CREB5: variants seen among roughly 807,000 people sequenced by gnomAD.
CREB5 encodes cAMP responsive element binding protein 5.
CREB5 carries 19 observed loss-of-function variants against 57.1 expected under a neutral mutation model. The ratio of observed to expected loss-of-function variants is 0.33; its 90% CI spans 0.23 to 0.49. The LOEUF (loss-of-function observed/expected upper bound fraction) is 0.49. Among genes scored for constraint, CREB5 ranks in the 20% least tolerant of loss-of-function variants. CREB5 has a pLI of 0.99. For missense variants in CREB5, 579 were observed against 671.6 expected, an observed-to-expected ratio of 0.86 and a Z score of 1.52; for synonymous variants, 238 against 238.3, an observed-to-expected ratio of 1.00 and a Z score of 0.01.
intron 5 of CREB5, among the ~76,000 whole-genome samples, chr7:28,611,661 G>A (rs901516899): frequency 8.2e-5 from 12 of 146,950 alleles, no homozygotes; most frequent in African/African-American, 3.1e-4. Flanking sequence ...GTGCGACAGA[G>A]ACTCTGTCTC....
intron 1 of CREB5, among the ~76,000 whole-genome samples, chr7:28,442,665 T>A (rs531648761): frequency 3.3e-5 from 5 of 152,310 alleles, no homozygotes; most frequent in East Asian, 1.9e-4. Flanking sequence ...TGGGGTGAGA[T>A]GATATCTCGT....
chr7:28,819,122 A>G lies in CREB5; in HGVS notation c.1370A>G (p.Glu457Gly), dbSNP rs368377844. ...TCTTTTTTTTTCTCCCTAGGTCCAG[A>G]GAGTAGCCCTCCTGCTAGTCCTGTC... ...QKESQGYLSP[E>G]SSPPASPVPA... Residue 457 changes from glutamate to glycine, a missense_variant, in exon 11 of 11, where the codon GAG becomes GGG. Transcript: ENST00000357727. 6 of 1,612,760 alleles carry G rather than the reference A, an allele frequency of 3.7e-6. No homozygotes were observed. Among genetic ancestry groups the G allele is most frequent in the African/African-American group, 1.3e-5 (1 of 74,740 alleles).
intron 1 of CREB5, among the ~76,000 whole-genome samples, chr7:28,486,670 T>TTAAATATATATA (rs1554331892): frequency 0.023 from 2,047 of 89,124 alleles, 162 homozygotes; most frequent in African/African-American, 0.079. Flanking sequence ...TCCTATGATT[T>TTAAATATATATA]TATATATATA....
intron 5 of CREB5, among the ~76,000 whole-genome samples, chr7:28,625,860 A>G (rs1382784399): frequency 6.6e-6 from 1 of 152,202 alleles, no homozygotes; most frequent in Non-Finnish European, 1.5e-5. Flanking sequence ...AGGATCATCT[A>G]TTTCAATAAG....
chr7:28,547,216 T>C (rs1389193885), intron 4 of CREB5, among the ~76,000 whole-genome samples: 1 of 152,216 alleles, frequency 6.6e-6, no homozygotes, highest in East Asian at 1.9e-4. Context: ...TTTCCCTGAG[T>C]TCATCTAGGT....
At chr7:28,605,434 G>A (rs1044751022) in intron 5 of CREB5, among the ~76,000 whole-genome samples, 2 of 152,164 alleles carry the variant, frequency 1.3e-5, no homozygotes, top group African/African-American at 4.8e-5. Flanking sequence ...TCAAAGACAT[G>A]ACACTTCAGG....
intron 5 of CREB5, among the ~76,000 whole-genome samples, chr7:28,643,768 A>G (rs1365022459): frequency 8.7e-5 from 1 of 11,430 alleles, no homozygotes; most frequent in Non-Finnish European, 1.4e-4. Context: ...GGGCGGAAGA[A>G]AAAAAAAAAA....
At chr7:28,547,651 C>T (rs1794470121) in intron 4 of CREB5, among the ~76,000 whole-genome samples, 1 of 152,214 alleles carries the variant, frequency 6.6e-6, no homozygotes, top group South Asian at 2.1e-4. Context: ...GGCCAAACAA[C>T]TGGTCACCAT....
chr7:28,548,468 T>C (rs1163178376), intron 4 of CREB5, among the ~76,000 whole-genome samples: 1 of 152,190 alleles, frequency 6.6e-6, no homozygotes, highest in African/African-American at 2.4e-5. Flanking sequence ...ACATTCATGG[T>C]ACCACCCTAA....
intron 5 of CREB5, among the ~76,000 whole-genome samples, chr7:28,636,414 C>G (rs1030860572): frequency 6.6e-6 from 1 of 152,160 alleles, no homozygotes; most frequent in East Asian, 1.9e-4. Flanking sequence ...TATCATCTTC[C>G]TCCTTCTCCA....
chr7:28,787,288 G>A (rs1807386207), intron 7 of CREB5, among the ~76,000 whole-genome samples: 1 of 152,192 alleles, frequency 6.6e-6, no homozygotes, highest in South Asian at 2.1e-4. Context: ...TAGCACATGG[G>A]CTGTTAGCAC....
intron 5 of CREB5, among the ~76,000 whole-genome samples, chr7:28,592,308 C>T (rs1796548848): frequency 6.6e-6 from 1 of 152,178 alleles, no homozygotes; most frequent in Non-Finnish European, 1.5e-5. Flanking sequence ...AAGCTGATTG[C>T]AACTGTGGCC....
rs911697695 is a variant in CREB5 at position 28,394,217 on chromosome 7, A to G, written c.-25+94776A>G. ...TTAAGAGAAGAGAGAAAATGGAATC[A>G]TATAAAATATTCCATTAAATACAGA... On this transcript the variant is annotated intron_variant, in intron 1 of 9. Transcript: ENST00000396299. Among the ~76,000 whole-genome samples, 3 of 152,024 alleles carry G rather than the reference A, an allele frequency of 2.0e-5. No individual in the cohort carries two copies. The East Asian group carries it at 5.8e-4, about 29-fold the overall frequency.
rs940042984 is a variant in CREB5 at position 28,589,147 on chromosome 7, C to T, written c.464+18610C>T. ...TGGCTCTTTGCTATACTTGCTTTAT[C>T]ATATAGCTGTACATCTATCCATCCA... On this transcript the variant is annotated intron_variant, in intron 5 of 10. Coordinates refer to ENST00000357727, the MANE Select transcript of CREB5 (RefSeq NM_182898.4). 2.0e-5 allele frequency among the ~76,000 whole-genome samples: 3 copies of T among 152,196 alleles called. No homozygotes were observed. The East Asian group carries it at 5.8e-4, about 29-fold the overall frequency.
At chr7:28,569,162 T>C (rs1251456485) in intron 4 of CREB5, among the ~76,000 whole-genome samples, 3 of 151,792 alleles carry the variant, frequency 2.0e-5, no homozygotes, top group Non-Finnish European at 4.4e-5. Context: ...TTTTCTTTTT[T>C]TTTTTCTTTT....
intron 5 of CREB5, among the ~76,000 whole-genome samples, chr7:28,650,059 ATTTACATC>A (rs1799064952): frequency 6.6e-6 from 1 of 152,210 alleles, no homozygotes. Flanking sequence ...TACATCTGCC[ATTTACATC>A]TGTTGAATTG....
chr7:28,367,592 G>A (rs555936916), intron 1 of CREB5, among the ~76,000 whole-genome samples: 85 of 152,180 alleles, frequency 5.6e-4, no homozygotes, highest in African/African-American at 2.0e-3. Flanking sequence ...GGTGGATCAC[G>A]AGGTCAGGAG....
chr7:28,686,342 C>T (rs1800908001), intron 5 of CREB5: 3 of 648,594 alleles, frequency 4.6e-6, no homozygotes, highest in Admixed American at 2.5e-5. Context: ...TGTTTCTCCT[C>T]TTCTTCCTTC....
intron 5 of CREB5, among the ~76,000 whole-genome samples, chr7:28,598,731 T>C (rs1231118186): frequency 6.6e-6 from 1 of 152,136 alleles, no homozygotes; most frequent in Non-Finnish European, 1.5e-5. Context: ...CCTGGCTCAA[T>C]TTACATTCTG....
Sources: allele counts gnomAD v4.1 joint callset (sites outside exome capture counted in the v4.1 genomes callset), GRCh38; gene constraint gnomAD v4.1.1; transcripts MANE v1.5; gene names NCBI Gene and HGNC (gene_info 2026-07-23, HGNC 2026-07-21).